Variants in THUMPD3 observed in about 807,000 individuals in gnomAD.
The protein encoded by THUMPD3 is tRNA (guanine(6)-N(2))-methyltransferase THUMP3.
THUMPD3 carries 44 observed loss-of-function variants against 54.5 expected under a neutral mutation model. The observed-to-expected ratio is 0.81, with a 90% CI of 0.63 to 1.04. The LOEUF is 1.04. Among genes scored for constraint, THUMPD3 ranks in the 50% least tolerant of loss-of-function variants. THUMPD3 has a pLI of 0.00. For missense variants in THUMPD3, 604 were observed against 601.3 expected (o/e 1.00, Z -0.05); for synonymous variants, 196 against 201.4 (o/e 0.97, Z 0.23).
At chr3:9,373,974 G>T (rs1047184931) in intron 4 of THUMPD3, among the ~76,000 whole-genome samples, 1 of 152,142 alleles carries the variant, frequency 6.6e-6, no homozygotes, top group Non-Finnish European at 1.5e-5. Flanking sequence ...TAAGTTTTCA[G>T]TAAGTTTTTA....
In THUMPD3 at chr3:9,384,783, CT is replaced by C; in HGVS notation, c.*96del. On this transcript the variant is annotated 3_prime_UTR_variant, in exon 10 of 10. Coordinates refer to ENST00000452837, the MANE Select transcript of THUMPD3 (RefSeq NM_001114092.2). ...AGTATTAACAAAACTGCAGTCTGCA[CT>C]CTTTAAACCTGTTTAAGGCTCTTCA... is the stretch of plus-strand genomic sequence containing the variant. 4.4e-6 allele frequency: 6 copies of C among 1,377,188 alleles called. No individual in the cohort carries two copies. In the South Asian group the frequency reaches 7.8e-5, roughly 18 times the overall value. The allele number at this position is 1,377,188 out of a possible 1,614,324, so 85.3% of individuals were successfully genotyped here.
chr3:9,383,235 G>A lies in THUMPD3; in HGVS notation c.1161G>A (p.Gln387=), dbSNP rs2033058386. The A allele has an allele frequency of 1.2e-6, 2 of 1,613,994 alleles. No homozygotes were observed. The highest frequency in any genetic ancestry group is 1.3e-5 in the African/African-American group (1 of 74,914). The change falls in exon 8 of 10, where the codon CAG becomes CAA. Residue 387 remains glutamine (Q), a synonymous_variant. Transcript: ENST00000452837. ...GGGGCTTGCCCATAGATGCTGTTCAGTGGGATATCTGCAATCTGCCATTGA... is the reference window on the plus strand; with the variant it reads ...GGGGCTTGCCCATAGATGCTGTTCAATGGGATATCTGCAATCTGCCATTGA... The part of the protein sequence containing the change: ...PSWGLPIDAV[Q]WDICNLPLRT...
chr3:9,380,120 T>C (rs1363776471), intron 6 of THUMPD3, among the ~76,000 whole-genome samples: 2 of 152,170 alleles, frequency 1.3e-5, no homozygotes, highest in African/African-American at 2.4e-5. Flanking sequence ...GATGAGGAAC[T>C]GAATAAAATA....
intron 1 of THUMPD3, among the ~76,000 whole-genome samples, chr3:9,364,599 G>A (rs149528124): frequency 1.6e-3 from 240 of 151,806 alleles, no homozygotes; most frequent in African/African-American, 5.3e-3. Context: ...TGCCCGCCTC[G>A]GCCTCCCAAA....
rs769301808 is a variant in THUMPD3, at chr3:9,374,636, G to T, written c.928G>T (p.Gly310Trp). The T allele has an allele frequency of 6.2e-7, 1 of 1,613,368 alleles. No homozygotes were observed. The highest frequency in any genetic ancestry group is 2.2e-5 in the East Asian group (1 of 44,862). ...PTTLRSTLAY[G>W]MLRLCDPLPY... ...AACTCTTAGATCAACTCTTGCCTAT[G>T]GGATGCTCAGGTAAGAAAATGAGTT... The change falls in exon 5 of 10, where the codon GGG becomes TGG. Residue 310 changes from glycine (G) to tryptophan (W), a missense_variant. Physicochemically the swap from Gly to Trp is radical, Grantham distance 184. Transcript: ENST00000452837.
chr3:9,384,870 G>C lies in THUMPD3; in HGVS notation c.*182G>C. 1 of 667,554 alleles carries C rather than the reference G, an allele frequency of 1.5e-6. No homozygotes were observed. Among genetic ancestry groups the C allele is most frequent in the Non-Finnish European group, 2.5e-6 (1 of 405,916 alleles). The allele number at this position is 667,554 out of a possible 1,614,324, so 41.4% of individuals were successfully genotyped here. A position where few individuals can be genotyped will look rare whatever the true frequency, so the allele number is the denominator to read the frequency against. Reference sequence around the variant, plus strand: ...GAATTTAAAAGTTTTATGAGACCAGGCACAGTGGCTCACGACTGTAATTCC... The same window carrying C: ...GAATTTAAAAGTTTTATGAGACCAGCCACAGTGGCTCACGACTGTAATTCC... On this transcript the variant is annotated 3_prime_UTR_variant, in exon 10 of 10. Transcript: ENST00000452837.
rs1218893538 is a variant in THUMPD3, at chr3:9,365,155, C to T, written c.87C>T (p.Asp29=). 1.2e-6 allele frequency: 2 copies of T among 1,614,160 alleles called. No homozygotes were observed. Among genetic ancestry groups the T allele is most frequent in the Admixed American group, 3.3e-5 (2 of 60,010 alleles). ...NQKSVQVTES[D]LGSESELLVT... Reference sequence around the variant, plus strand: ...AGTCTGTACAAGTGACAGAAAGTGACCTCGGAAGTGAATCTGAGCTTCTAG... The same window carrying T: ...AGTCTGTACAAGTGACAGAAAGTGATCTCGGAAGTGAATCTGAGCTTCTAG... Residue 29 remains aspartate (D), a synonymous_variant, in exon 2 of 10, where the codon GAC becomes GAT. Transcript: ENST00000452837.
Position 9,386,331 on chromosome 3 carries a change from G to A in THUMPD3, c.*1643G>A, listed in dbSNP as rs1043045803. On this transcript the variant is annotated 3_prime_UTR_variant, in exon 10 of 10. Coordinates refer to ENST00000452837, the MANE Select transcript of THUMPD3 (RefSeq NM_001114092.2). ...CAAATTAAGCAACCCACAGAACCAG[G>A]AAGTTCAAGGACCATGTCTGTTTTC... is the stretch of plus-strand genomic sequence containing the variant. 3 of 151,984 alleles carry A rather than the reference G, an allele frequency of 2.0e-5. No homozygotes were observed. The highest frequency in any genetic ancestry group is 6.6e-5 in the Admixed American group (1 of 15,246). 9.4% of individuals were successfully genotyped at this position (151,984 alleles called of 1,614,324 possible).
intron 2 of THUMPD3, 41 bp downstream of exon 2, chr3:9,365,361 T>C (rs2031460048): frequency 1.2e-6 from 2 of 1,603,020 alleles, no homozygotes; most frequent in Admixed American, 1.7e-5. Context: ...TCTAAGTTGA[T>C]CATTTTATGG....
In THUMPD3 at chr3:9,377,901, C is replaced by G; in HGVS notation, c.1008+13C>G. ...AATACCAATAGAGGTAATCATATTT[C>G]TTTAGCTTTTAGATAAGAGTGATAC... On this transcript the variant is annotated intron_variant, in intron 6 of 9. Transcript: ENST00000452837. The G allele has an allele frequency of 6.2e-7, 1 of 1,602,540 alleles. No homozygotes were observed.
intron 5 of THUMPD3, 42 bp downstream of exon 5, chr3:9,374,688 G>C: frequency 2.5e-6 from 4 of 1,607,480 alleles, no homozygotes; most frequent in Non-Finnish European, 3.4e-6. Context: ...GTGGCACCTT[G>C]GTTTGAATGT....
intron 4 of THUMPD3, 76 bp from the exon 5 acceptor site, chr3:9,374,440 A>G (rs1055069813): frequency 6.4e-6 from 10 of 1,554,820 alleles, no homozygotes; most frequent in Middle Eastern, 1.8e-4. Flanking sequence ...GAACCGGCCC[A>G]GGTCAGAAAA....
At chr3:9,380,009 G>A (rs1262579046) in intron 6 of THUMPD3, among the ~76,000 whole-genome samples, 1 of 152,066 alleles carries the variant, frequency 6.6e-6, no homozygotes, top group Non-Finnish European at 1.5e-5. Flanking sequence ...ATTTTATTTT[G>A]CAATTTTCAA....
intron 6 of THUMPD3, 73 bp from the exon 7 acceptor site, chr3:9,380,430 C>A: frequency 2.9e-6 from 3 of 1,039,182 alleles, no homozygotes; most frequent in Non-Finnish European, 4.4e-6. Context: ...ACTGGATTTT[C>A]TTTGTTTGTT....
intron 4 of THUMPD3, among the ~76,000 whole-genome samples, chr3:9,372,901 T>C (rs1472465763): frequency 1.3e-5 from 2 of 152,192 alleles, no homozygotes; most frequent in Admixed American, 1.3e-4. Context: ...GATTCTAACT[T>C]TTTTGTGCAT....
intron 6 of THUMPD3, among the ~76,000 whole-genome samples, chr3:9,378,758 A>C (rs531953107): frequency 3.9e-4 from 59 of 152,330 alleles, no homozygotes; most frequent in Middle Eastern, 3.4e-3. Context: ...TCTACATGTG[A>C]CTGTGTTCCG....
chr3:9,383,596 GTTCTCA>G (rs571144894), intron 8 of THUMPD3, among the ~76,000 whole-genome samples: 1 of 150,798 alleles, frequency 6.6e-6, no homozygotes, highest in Non-Finnish European at 1.5e-5. Context: ...AGAAGACTTG[GTTCTCA>G]TTCTGTTTCT....
At chr3:9,368,442 A>C (rs1461412509) in intron 3 of THUMPD3, among the ~76,000 whole-genome samples, 1 of 148,096 alleles carries the variant, frequency 6.8e-6, no homozygotes, top group Non-Finnish European at 1.5e-5. Flanking sequence ...AGCCTACTGC[A>C]ACCTCTGCCA....
chr3:9,383,871 C>T (rs1007565345), intron 8 of THUMPD3, among the ~76,000 whole-genome samples: 2 of 152,216 alleles, frequency 1.3e-5, no homozygotes, highest in African/African-American at 4.8e-5. Context: ...ATCTGCCCGC[C>T]TCAGCCTCCC....
Sources: allele counts gnomAD v4.1 joint callset (sites outside exome capture counted in the v4.1 genomes callset), GRCh38; gene constraint gnomAD v4.1.1; transcripts MANE v1.5; gene names NCBI Gene and HGNC (gene_info 2026-07-23, HGNC 2026-07-21).